STARD9: variants seen among roughly 807,000 people sequenced by gnomAD.
STARD9 encodes the protein stAR-related lipid transfer protein 9.
Under a neutral mutation model 399.8 loss-of-function variants are expected in STARD9, and 346 were observed. The observed-to-expected ratio is 0.87, with a 90% confidence interval of 0.79 to 0.95. The LOEUF is 0.95. Among genes scored for constraint, STARD9 ranks in the 40% least tolerant of loss-of-function variants. STARD9 has a pLI of 0.00. For missense variants in STARD9, 5,832 were observed against 5,667.5 expected, an observed-to-expected ratio of 1.03 and a Z score of -0.93; for synonymous variants, 2,203 against 2,143.5, an observed-to-expected ratio of 1.03 and a Z score of -0.77.
chr15:42,604,949 G>A (rs1244686063), intron 3 of STARD9, among the ~76,000 whole-genome samples: 1 of 152,040 alleles, frequency 6.6e-6, no homozygotes, highest in African/African-American at 2.4e-5. Context: ...GACCTGGATC[G>A]AATGGAATTT....
At chr15:42,619,101 A>G (rs144937916) in intron 3 of STARD9, among the ~76,000 whole-genome samples, 107 of 152,286 alleles carry the variant, frequency 7.0e-4, no homozygotes, top group African/African-American at 2.4e-3. Context: ...TTAAAAATTT[A>G]AATTTACATA....
chr15:42,590,107 C>T (rs974513540), intron 3 of STARD9, among the ~76,000 whole-genome samples: 19 of 151,952 alleles, frequency 1.3e-4, no homozygotes, highest in Admixed American at 7.2e-4. Context: ...ACTACAGATA[C>T]GTGTGCCACC....
At chr15:42,677,753 T>C (rs1566927188) in intron 20 of STARD9, among the ~76,000 whole-genome samples, 1 of 152,246 alleles carries the variant, frequency 6.6e-6, no homozygotes, top group African/African-American at 2.4e-5. Flanking sequence ...GATACTGCTA[T>C]CTGTTTTCCA....
chr15:42,628,965 A>G (rs531121354), intron 3 of STARD9, among the ~76,000 whole-genome samples: 5 of 152,220 alleles, frequency 3.3e-5, no homozygotes, highest in Middle Eastern at 6.8e-3. Context: ...TTCTGTGAAG[A>G]ATGTCATTGG....
At chr15:42,663,160 T>C in intron 11 of STARD9, 121 bp from the exon 12 acceptor site, 1 of 947,106 alleles carries the variant, frequency 1.1e-6, no homozygotes, top group East Asian at 2.6e-5. Context: ...AATATCCTAT[T>C]GTATGCAGAA....
At chr15:42,603,595 A>G (rs1247706802) in intron 3 of STARD9, among the ~76,000 whole-genome samples, 2 of 152,186 alleles carry the variant, frequency 1.3e-5, no homozygotes, top group Non-Finnish European at 2.9e-5. Context: ...GCAAAAGCCC[A>G]GAGTTTATTA....
chr15:42,588,002 A>G (rs957903977), intron 3 of STARD9, among the ~76,000 whole-genome samples: 11 of 152,170 alleles, frequency 7.2e-5, no homozygotes, highest in African/African-American at 2.4e-4. Flanking sequence ...GACTCCTATA[A>G]CAGTCCACAG....
Position 42,620,410 on chromosome 15 carries a change from G to T in STARD9, c.235-14446G>T, listed in dbSNP as rs930383364. 3.9e-5 allele frequency among the ~76,000 whole-genome samples: 6 copies of T among 152,038 alleles called. No homozygotes were observed. The South Asian group carries it at 1.2e-3, about 32-fold the overall frequency. ...GCAGGAGGGTTGTTTGAGCCTGGGA[G>T]GTCAAGGCTGCAGTGAGCTGTGATC... On this transcript the variant is annotated intron_variant, in intron 3 of 32. Transcript: ENST00000290607.
chr15:42,575,764 T>G lies in STARD9; in HGVS notation c.47+2T>G, dbSNP rs1595565660. Reference sequence around the variant, plus strand: ...GCGGGTCCGGCCGCTCAGCAAGAGGTGAGTCTCCGCGGGAGAGGGCGCCTG... The same window carrying G: ...GCGGGTCCGGCCGCTCAGCAAGAGGGGAGTCTCCGCGGGAGAGGGCGCCTG... On this transcript the variant is annotated splice_donor_variant, in intron 1 of 32. Coordinates refer to ENST00000290607, the MANE Select transcript of STARD9 (RefSeq NM_020759.3). LOFTEE classifies it high-confidence loss of function. 6.5e-7 allele frequency: 1 copy of G among 1,536,626 alleles called. No homozygotes were observed. The highest frequency in any genetic ancestry group is 1.2e-5 in the South Asian group (1 of 84,042).
chr15:42,600,457 G>A (rs1267088089), intron 3 of STARD9, among the ~76,000 whole-genome samples: 1 of 151,928 alleles, frequency 6.6e-6, no homozygotes, highest in Non-Finnish European at 1.5e-5. Context: ...TAGGTGCTGG[G>A]TAAACAAATG....
At position 42,688,908 on chromosome 15, in the gene STARD9, G is replaced by T; in HGVS notation, c.7330G>T (p.Asp2444Tyr). 3.3e-6 allele frequency: 5 copies of T among 1,537,384 alleles called. No homozygotes were observed. Among genetic ancestry groups the T allele is most frequent in the Non-Finnish European group, 4.4e-6 (5 of 1,146,940 alleles). The stretch of plus-strand genomic sequence containing the variant: ...GATCTCAGCAAGCACCAGCCCCCAA[G>T]ACCATGGAAAGGACCTCAGAATCAC... ...DRISASTSPQ[D>Y]HGKDLRITLL... The change falls in exon 23 of 33, where the codon GAC becomes TAC. Residue 2444 changes from aspartate (D) to tyrosine (Y), a missense_variant. Asp to Tyr is a radical substitution (Grantham distance 160, BLOSUM62 -3). Transcript: ENST00000290607.
intron 7 of STARD9, among the ~76,000 whole-genome samples, chr15:42,643,399 T>C (rs574160513): frequency 8.5e-5 from 13 of 152,284 alleles, no homozygotes; most frequent in African/African-American, 2.9e-4. Flanking sequence ...TTTCACCATA[T>C]TGGTCAGGCT....
chr15:42,588,797 TTTTTTTTTTTTTTTTTTTGGAGTGG>T (rs2058336007), intron 3 of STARD9, among the ~76,000 whole-genome samples: 2 of 27,146 alleles, frequency 7.4e-5, no homozygotes, highest in African/African-American at 6.1e-5. Context: ...TTTTTTTTTT[TTTTTTTTTTTTTTTTTTTGGAGTGG>T]GGGGTGGGGG....
Position 42,581,583 on chromosome 15 carries a change from C to T in STARD9, c.48-1763C>T, listed in dbSNP as rs909421518. 8.5e-5 allele frequency: 69 copies of T among 816,464 alleles called. 1 individual carries two copies. Among genetic ancestry groups the T allele is most frequent in the African/African-American group, 3.4e-5 (2 of 58,382 alleles). 50.6% of individuals were successfully genotyped at this position (816,464 alleles called of 1,614,324 possible). A position where few individuals can be genotyped will look rare whatever the true frequency, so the allele number is the denominator to read the frequency against. On this transcript the variant is annotated intron_variant, in intron 1 of 32. Coordinates refer to ENST00000290607, the MANE Select transcript of STARD9 (RefSeq NM_020759.3). The stretch of plus-strand genomic sequence containing the variant: ...CCTAGGGCGGGTGGAAAAGCGAGCT[C>T]TGCGCACTCCTCGCTCGCTTCCTCT...
chr15:42,650,939 TAAAG>T (rs1393126690), intron 7 of STARD9, 73 bp from the exon 8 acceptor site: 3 of 1,031,636 alleles, frequency 2.9e-6, no homozygotes, highest in African/African-American at 3.2e-5. Context: ...ATAGGAATGA[TAAAG>T]ACTTACAAGA....
At chr15:42,708,769 C>T (rs1049437967) in intron 26 of STARD9, among the ~76,000 whole-genome samples, 3 of 151,782 alleles carry the variant, frequency 2.0e-5, no homozygotes, top group Non-Finnish European at 1.5e-5. Context: ...ACCCGATCGT[C>T]ATGCTTACGA....
At chr15:42,634,616 A>G (rs2059386806) in intron 3 of STARD9, among the ~76,000 whole-genome samples, 1 of 152,192 alleles carries the variant, frequency 6.6e-6, no homozygotes, top group South Asian at 2.1e-4. Context: ...TTTGTATCTT[A>G]TCTTCAGAGT....
chr15:42,636,265 C>CT (rs1212295367), intron 4 of STARD9, among the ~76,000 whole-genome samples: 2 of 152,108 alleles, frequency 1.3e-5, no homozygotes, highest in African/African-American at 4.8e-5. Flanking sequence ...TGCCACTGTA[C>CT]TCCACCCTGG....
chr15:42,674,382 G>A, intron 16 of STARD9, 58 bp from the exon 17 acceptor site: 1 of 1,355,972 alleles, frequency 7.4e-7, no homozygotes, highest in Non-Finnish European at 1.0e-6. Flanking sequence ...GGACTCTCCT[G>A]TAGGGCAAGG....
Sources: allele counts gnomAD v4.1 joint callset (sites outside exome capture counted in the v4.1 genomes callset), GRCh38; gene constraint gnomAD v4.1.1; transcripts MANE v1.5; gene names NCBI Gene and HGNC (gene_info 2026-07-23, HGNC 2026-07-21).